Variants in AZIN2 observed in about 807,000 individuals in gnomAD.
AZIN2 encodes the protein antizyme inhibitor 2.
In AZIN2, 28 loss-of-function variants were observed where a neutral mutation model predicts 47.8. The ratio of observed to expected loss-of-function variants is 0.59; its 90% CI spans 0.43 to 0.80. The LOEUF is 0.80. Among genes scored for constraint, AZIN2 ranks in the 30% least tolerant of loss-of-function variants. The probability of loss-of-function intolerance (pLI) is 0.00; values close to 1 mark genes in which losing one functional copy is unlikely to be tolerated. For synonymous variants in AZIN2, 221 were observed against 239.4 expected, an observed-to-expected ratio of 0.92 and a Z score of 0.71; for missense variants, 535 against 582.5, an observed-to-expected ratio of 0.92 and a Z score of 0.84.
At position 33,122,217 on chromosome 1, in the gene AZIN2, G is replaced by T. The variant is rs1258218392; in HGVS notation, c.*2035G>T. ...GCTGTGAAAAGCGCAGGAATCCTGG[G>T]AAGATCTCATGGCTGGCTACAGTGA... On this transcript the variant is annotated 3_prime_UTR_variant, in exon 12 of 12. Coordinates refer to ENST00000294517, the MANE Select transcript of AZIN2 (RefSeq NM_052998.4). Among the ~76,000 whole-genome samples the T allele has an allele frequency of 6.6e-6, 1 of 152,166 alleles. No homozygotes were observed. The highest frequency in any genetic ancestry group is 1.5e-5 in the Non-Finnish European group (1 of 68,040).
In AZIN2 at chr1:33,085,231, CAA is replaced by C. The variant is rs113297919; in HGVS notation, c.279+1118_279+1119del. ...GCCCTTCCTTCATGGAGCTTGTTTA[CAA>C]AAAAAAAAAAAAAGATGAAATAAAG... On this transcript the variant is annotated intron_variant, in intron 5 of 11. Transcript: ENST00000294517. Among the ~76,000 whole-genome samples the C allele has an allele frequency of 8.1e-3, 632 of 78,296 alleles. 8 individuals carry two copies. The highest frequency in any genetic ancestry group is 0.023 in the African/African-American group (599 of 26,170). The allele number at this position is 78,296 out of a possible 152,430, so 51.4% of individuals were successfully genotyped here. A position where few individuals can be genotyped will look rare whatever the true frequency, so the allele number is the denominator to read the frequency against.
chr1:33,103,730 T>C (rs1228485747), intron 10 of AZIN2, among the ~76,000 whole-genome samples: 1 of 152,140 alleles, frequency 6.6e-6, no homozygotes, highest in Admixed American at 6.5e-5. Flanking sequence ...ATATAGTAGG[T>C]GCTCACTAAA....
chr1:33,142,878 C>T, the AZIN2 span: 1 of 151,914 alleles, frequency 6.6e-6, no homozygotes, highest in Admixed American at 6.6e-5. Context: ...TGGGAAGTGA[C>T]GTTTCCCTGC....
rs1557658926 is a variant in AZIN2 at position 33,082,313 on chromosome 1, C to T, written c.64C>T (p.Leu22=). ...MVEEGFSTRD[L]LKELTLGASQ... is the part of the protein sequence containing the mutation. ...GGAGGAGGGCTTCAGTACCCGAGAC[C>T]TGCTGAAGGAACTCACTCTGGGGGC... The change falls in exon 4 of 12, where the codon CTG becomes TTG. Residue 22 remains leucine (L), a synonymous_variant. Coordinates refer to ENST00000294517, the MANE Select transcript of AZIN2 (RefSeq NM_052998.4). The T allele has an allele frequency of 6.2e-7, 1 of 1,614,096 alleles. No homozygotes were observed. Among genetic ancestry groups the T allele is most frequent in the Non-Finnish European group, 8.5e-7 (1 of 1,179,980 alleles).
intron 10 of AZIN2, among the ~76,000 whole-genome samples, chr1:33,104,218 A>G (rs1643891004): frequency 6.6e-6 from 1 of 152,180 alleles, no homozygotes; most frequent in African/African-American, 2.4e-5. Context: ...TGACAAGGAT[A>G]AACCATTTTG....
At chr1:33,164,356 G>T in the AZIN2 span, 1 of 152,308 alleles carries the variant, frequency 6.6e-6, no homozygotes, top group African/African-American at 2.4e-5. Flanking sequence ...CCTGCTGACA[G>T]AGCGGGGTCA....
In AZIN2 at chr1:33,113,259, C is replaced by T. The variant is rs1224747978; in HGVS notation, c.1030-4643C>T. On this transcript the variant is annotated intron_variant, in intron 10 of 11. Transcript: ENST00000294517. The surrounding 1 kb of genome is among the most constrained non-coding windows in gnomAD (Gnocchi z 4.1). ...TTGGGATTCCAGGCGTGAGCCACCGCGCCCAGCTGGTTTTATTATTTTTTT... is the reference window on the plus strand; with the variant it reads ...TTGGGATTCCAGGCGTGAGCCACCGTGCCCAGCTGGTTTTATTATTTTTTT... 4.6e-5 allele frequency among the ~76,000 whole-genome samples: 7 copies of T among 152,170 alleles called. No individual in the cohort carries two copies. The highest frequency in any genetic ancestry group is 6.5e-5 in the Admixed American group (1 of 15,280).
intron 5 of AZIN2, among the ~76,000 whole-genome samples, chr1:33,085,267 T>C (rs1315649746): frequency 6.6e-6 from 1 of 152,062 alleles, no homozygotes; most frequent in Non-Finnish European, 1.5e-5. Flanking sequence ...AGAAAATATT[T>C]AGTATTTTAG....
At chr1:33,082,151 T>G in intron 3 of AZIN2, 27 bp from the exon 4 acceptor site, 50 of 992,448 alleles carry the variant, frequency 5.0e-5, no homozygotes, top group Non-Finnish European at 6.4e-5. Flanking sequence ...CCCCCAGCGG[T>G]TCCCTTCATC....
At chr1:33,162,833 C>T in the AZIN2 span, 1 of 152,292 alleles carries the variant, frequency 6.6e-6, no homozygotes, top group African/African-American at 2.4e-5. Context: ...GCAGGACACC[C>T]CAGGAGACAT....
chr1:33,134,871 C>A, the AZIN2 span, among the ~76,000 whole-genome samples: 1 of 152,216 alleles, frequency 6.6e-6, no homozygotes, highest in Admixed American at 6.5e-5. Flanking sequence ...TCTTCTACTT[C>A]CTCTTCCATC....
chr1:33,139,969 G>A, the AZIN2 span, among the ~76,000 whole-genome samples: 1 of 152,172 alleles, frequency 6.6e-6, no homozygotes, highest in African/African-American at 2.4e-5. Flanking sequence ...TTATAAATGT[G>A]CATAGGTTGT....
At chr1:33,102,474 C>T (rs1395818600) in intron 10 of AZIN2, among the ~76,000 whole-genome samples, 3 of 152,144 alleles carry the variant, frequency 2.0e-5, no homozygotes, top group Admixed American at 6.5e-5. Context: ...GTCACTTCCA[C>T]GCTGCTAGCT....
At chr1:33,116,343 T>C (rs997482046) in intron 10 of AZIN2, among the ~76,000 whole-genome samples, 3 of 152,242 alleles carry the variant, frequency 2.0e-5, no homozygotes. Flanking sequence ...TTATGGAAAC[T>C]GCGACTTTTC....
intron 5 of AZIN2, among the ~76,000 whole-genome samples, chr1:33,086,935 A>G (rs1388175211): frequency 6.6e-6 from 1 of 151,908 alleles, no homozygotes; most frequent in African/African-American, 2.4e-5. Flanking sequence ...CTCCACTTTC[A>G]CTACTCCAAA....
At chr1:33,132,869 G>C in the AZIN2 span, among the ~76,000 whole-genome samples, 1 of 152,200 alleles carries the variant, frequency 6.6e-6, no homozygotes, top group Non-Finnish European at 1.5e-5. Flanking sequence ...TAAAATTAGC[G>C]GCATGAGAGG....
In AZIN2 at chr1:33,113,024, A is replaced by G. The variant is rs1229536678; in HGVS notation, c.1030-4878A>G. ...CGTCTCGCTCTGTTGCCCAGGCTGG[A>G]GTGCAGTGGTGCAATATCAGCTCAC... On this transcript the variant is annotated intron_variant, in intron 10 of 11. Coordinates refer to ENST00000294517, the MANE Select transcript of AZIN2 (RefSeq NM_052998.4). The surrounding 1 kb of genome is among the most constrained non-coding windows in gnomAD (Gnocchi z 4.1). 6.6e-6 allele frequency among the ~76,000 whole-genome samples: 1 copy of G among 152,110 alleles called. No individual in the cohort carries two copies. The highest frequency in any genetic ancestry group is 1.9e-4 in the East Asian group (1 of 5,194).
chr1:33,112,503 T>C (rs1379291177), intron 10 of AZIN2, among the ~76,000 whole-genome samples: 4 of 152,120 alleles, frequency 2.6e-5, no homozygotes, highest in Non-Finnish European at 4.4e-5. Flanking sequence ...AATACATTGT[T>C]TAGGGTTAGG....
At chr1:33,097,023 C>A in intron 9 of AZIN2, 154 bp downstream of exon 9, 1 of 841,904 alleles carries the variant, frequency 1.2e-6, no homozygotes, top group Non-Finnish European at 1.8e-6. Flanking sequence ...AGTCAAGTCG[C>A]CCCACCCCAA....
Sources: allele counts gnomAD v4.1 joint callset (sites outside exome capture counted in the v4.1 genomes callset), GRCh38; gene constraint gnomAD v4.1.1; non-coding constraint Gnocchi (gnomAD v3.1); transcripts MANE v1.5; gene names NCBI Gene and HGNC (gene_info 2026-07-23, HGNC 2026-07-21).